DNAH3: variants seen among roughly 807,000 people sequenced by gnomAD.
DNAH3 encodes the protein axonemal beta dynein heavy chain 3.
Under a neutral mutation model 432.5 loss-of-function variants are expected in DNAH3, and 332 were observed. That is an observed-to-expected ratio of 0.77 (90% CI 0.70 to 0.84). DNAH3 has a LOEUF of 0.84. Among genes scored for constraint, DNAH3 ranks in the 40% least tolerant of loss-of-function variants. DNAH3 has a pLI of 0.00. For synonymous variants in DNAH3, 1,956 were observed against 1,900.2 expected, an observed-to-expected ratio of 1.03 and a Z score of -0.76; for missense variants, 4,861 against 5,114.0, an observed-to-expected ratio of 0.95 and a Z score of 1.51.
intron 46 of DNAH3, 72 bp downstream of exon 46, chr16:20,987,621 T>C (rs930088213): frequency 1.3e-6 from 2 of 1,578,462 alleles, no homozygotes; most frequent in East Asian, 2.3e-5. Flanking sequence ...TAGCTATTAC[T>C]GCTATTACTA....
At chr16:21,117,115 G>A (rs1431322671) in intron 12 of DNAH3, 88 bp downstream of exon 12, 3 of 845,202 alleles carry the variant, frequency 3.5e-6, no homozygotes, top group East Asian at 2.5e-5. Flanking sequence ...AGGTGTTTGG[G>A]AACAGGAATA....
In DNAH3 at chr16:20,963,478, C is replaced by A. The variant is rs375211524; in HGVS notation, c.10406G>T (p.Gly3469Val). ...TCGAAGGATCACCATCTTCTCCAAT[C>A]CTTGAGAGAACTTCCAAGACCCAGG... Residue 3469 changes from glycine (G) to valine (V), a missense_variant, in exon 53 of 62, where the codon GGA becomes GTA. Transcript: ENST00000261383. The A allele has an allele frequency of 7.4e-6, 12 of 1,614,162 alleles. No individual in the cohort carries two copies. The African/African-American group carries it at 1.5e-4, about 20-fold the overall frequency.
rs140778061 is a variant in DNAH3 at position 21,060,345 on chromosome 16, T to G, written c.3732A>C (p.Glu1244Asp). ...TCTGCTCCACCTGCTGGAGCCACTTTTCCACCATGCCCTATGGAGCAAGAC... is the reference window on the plus strand; with the variant it reads ...TCTGCTCCACCTGCTGGAGCCACTTGTCCACCATGCCCTATGGAGCAAGAC... Residue 1244 changes from glutamate (E) to aspartate (D), a missense_variant, in exon 26 of 62, where the codon GAA becomes GAC. Coordinates refer to ENST00000261383, the Ensembl canonical transcript of DNAH3. The G allele has an allele frequency of 1.8e-4, 284 of 1,613,830 alleles. 1 individual carries two copies. The African/African-American group carries it at 3.2e-3, about 18-fold the overall frequency.
At chr16:21,156,872 T>C (rs7193676) in intron 1 of DNAH3, among the ~76,000 whole-genome samples, 72,258 of 151,490 alleles carry the variant, frequency 0.48, 17,783 homozygotes, top group East Asian at 0.69. Flanking sequence ...GGAAGGAATT[T>C]GAAGATTCAC....
intron 20 of DNAH3, among the ~76,000 whole-genome samples, chr16:21,078,971 G>A (rs1325990241): frequency 6.6e-6 from 1 of 152,212 alleles, no homozygotes; most frequent in African/African-American, 2.4e-5. Flanking sequence ...ACTCTCCCAT[G>A]TTACAAATGG....
chr16:21,130,314 T>A (rs952545701), intron 7 of DNAH3, among the ~76,000 whole-genome samples: 2 of 150,890 alleles, frequency 1.3e-5, no homozygotes, highest in Non-Finnish European at 3.0e-5. Flanking sequence ...TTTTTTTTTT[T>A]TTTTTTTCTT....
At chr16:20,976,735 C>T (rs1422028499) in intron 50 of DNAH3, among the ~76,000 whole-genome samples, 6 of 152,022 alleles carry the variant, frequency 3.9e-5, no homozygotes, top group Admixed American at 3.9e-4. Context: ...GGGTAAATGC[C>T]CTTATATAAT....
intron 40 of DNAH3, 108 bp from the exon 41 acceptor site, chr16:21,019,977 T>C: frequency 7.7e-7 from 1 of 1,297,826 alleles, no homozygotes; most frequent in Non-Finnish European, 1.1e-6. Context: ...GAAGGGCGAC[T>C]GATATTGGCA....
At chr16:20,985,864 G>GT (rs2086168061) in intron 47 of DNAH3, 149 bp from the exon 48 acceptor site, 1 of 849,630 alleles carries the variant, frequency 1.2e-6, no homozygotes, top group South Asian at 1.7e-5. Context: ...GTTTTGTTTC[G>GT]TTTTGTTTTG....
chr16:21,064,540 A>G (rs2090474366), intron 24 of DNAH3, among the ~76,000 whole-genome samples: 1 of 152,208 alleles, frequency 6.6e-6, no homozygotes, highest in African/African-American at 2.4e-5. Flanking sequence ...GAGCAAGTAC[A>G]AAGAGTAATA....
intron 3 of DNAH3, among the ~76,000 whole-genome samples, chr16:21,144,718 C>T (rs536407949): frequency 5.9e-5 from 9 of 152,072 alleles, no homozygotes; most frequent in East Asian, 1.9e-4. Context: ...AAATGTTAGC[C>T]GTTTGCAATC....
At chr16:20,946,615 T>C (rs1267463) in intron 57 of DNAH3, among the ~76,000 whole-genome samples, 78,684 of 151,812 alleles carry the variant, frequency 0.52, 21,344 homozygotes, top group Non-Finnish European at 0.62. Flanking sequence ...TGGTGTAATA[T>C]ACATATATAT....
At chr16:21,078,237 T>C (rs2091046243) in intron 20 of DNAH3, among the ~76,000 whole-genome samples, 1 of 139,108 alleles carries the variant, frequency 7.2e-6, no homozygotes, top group East Asian at 2.1e-4. Flanking sequence ...ATCATGTCAT[T>C]GCACTCCAGT....
intron 1 of DNAH3, among the ~76,000 whole-genome samples, chr16:21,153,624 T>C (rs1007483126): frequency 1.3e-5 from 2 of 152,106 alleles, no homozygotes; most frequent in African/African-American, 4.8e-5. Context: ...CCTTAATAGC[T>C]GTAACACTCA....
chr16:21,136,386 A>G lies in DNAH3; in HGVS notation c.824T>C (p.Leu275Pro), dbSNP rs748440993. The G allele has an allele frequency of 1.8e-5, 29 of 1,613,946 alleles. 1 individual carries two copies. The South Asian group carries it at 3.2e-4, about 18-fold the overall frequency. The change falls in exon 6 of 62, where the codon CTG becomes CCG. Residue 275 changes from leucine (L) to proline (P), a missense_variant. Physicochemically the swap from Leu to Pro is moderately conservative, Grantham distance 98 (BLOSUM62 -3). Coordinates refer to ENST00000261383, the Ensembl canonical transcript of DNAH3. ...CTTCTCCTGCACGAGGACCACCATC[A>G]GGGGCTCCAGGAAGGGACTCGTCAG...
At chr16:21,129,656 G>A (rs2092516808) in intron 7 of DNAH3, among the ~76,000 whole-genome samples, 1 of 151,724 alleles carries the variant, frequency 6.6e-6, no homozygotes, top group Non-Finnish European at 1.5e-5. Flanking sequence ...AGAATTGTTT[G>A]AACCTAGGAG....
chr16:21,111,560 G>T (rs2092072063), intron 14 of DNAH3, 66 bp downstream of exon 14: 6 of 1,485,146 alleles, frequency 4.0e-6, no homozygotes, highest in Non-Finnish European at 5.6e-6. Flanking sequence ...TGCAAGTTCT[G>T]GTCACTTTTT....
At position 21,109,001 on chromosome 16, in the gene DNAH3, T is replaced by C. The variant is rs539771308; in HGVS notation, c.2100-2327A>G. ...AGCCGGGTGTGGTGGCACACACCTG[T>C]AATCCCAGCTACTCAGGAGGCTGAG... On this transcript the variant is annotated intron_variant, in intron 14 of 61. Coordinates refer to ENST00000261383, the Ensembl canonical transcript of DNAH3. Among the ~76,000 whole-genome samples the C allele has an allele frequency of 4.0e-5, 6 of 151,388 alleles. 1 individual carries two copies. The South Asian group carries it at 1.3e-3, about 32-fold the overall frequency.
chr16:20,984,172 T>TGTGC (rs1273509568), intron 48 of DNAH3, among the ~76,000 whole-genome samples: 1 of 151,400 alleles, frequency 6.6e-6, no homozygotes, highest in Non-Finnish European at 1.5e-5. Context: ...TGTGTGTGTG[T>TGTGC]GTGTGTGTAT....
Sources: allele counts gnomAD v4.1 joint callset (sites outside exome capture counted in the v4.1 genomes callset), GRCh38; gene constraint gnomAD v4.1.1; transcripts MANE v1.5; gene names NCBI Gene and HGNC (gene_info 2026-07-23, HGNC 2026-07-21).